Variants in ZFAT observed in about 807,000 individuals in gnomAD.
The protein encoded by ZFAT is zinc finger protein ZFAT.
A neutral mutation model predicts 117.7 loss-of-function variants in ZFAT; 64 were observed. The ratio of observed to expected loss-of-function variants is 0.54; its 90% confidence interval spans 0.44 to 0.67. The LOEUF (loss-of-function observed/expected upper bound fraction) is 0.67, where lower values mean the gene tolerates loss of function less well. ZFAT is among the 30% of genes least tolerant of loss of function. The pLI is 0.00. For missense variants in ZFAT, 1,433 were observed against 1,584.5 expected (o/e 0.90, Z 1.62); for synonymous variants, 679 against 615.0 (o/e 1.10, Z -1.54).
chr8:134,746,450 C>T, the ZFAT span, among the ~76,000 whole-genome samples: 1 of 152,184 alleles, frequency 6.6e-6, no homozygotes, highest in African/African-American at 2.4e-5. Context: ...ACCCTAAAAT[C>T]GCATTAGCTT....
intron 11 of ZFAT, among the ~76,000 whole-genome samples, chr8:134,544,353 C>T (rs2066474005): frequency 6.6e-6 from 1 of 152,134 alleles, no homozygotes; most frequent in Admixed American, 6.5e-5. Context: ...GGGAAGATTG[C>T]TTGCCTCTTT....
chr8:134,633,781 AT>A (rs1233845329), intron 3 of ZFAT, among the ~76,000 whole-genome samples: 1 of 152,266 alleles, frequency 6.6e-6, no homozygotes, highest in Non-Finnish European at 1.5e-5. Flanking sequence ...ACAGTGGCTC[AT>A]ACCTATAATC....
intron 1 of ZFAT, among the ~76,000 whole-genome samples, chr8:134,670,302 C>T (rs10091237): frequency 0.32 from 47,979 of 151,050 alleles, 5,400 homozygotes; most frequent in South Asian, 0.39. Flanking sequence ...AATATACATT[C>T]TTCTCAGCAC....
intron 2 of ZFAT, among the ~76,000 whole-genome samples, chr8:134,653,983 T>A (rs1436929026): frequency 1.3e-5 from 2 of 152,198 alleles, no homozygotes; most frequent in Non-Finnish European, 2.9e-5. Flanking sequence ...CATATTATAT[T>A]GCTTTAATTT....
intron 2 of ZFAT, among the ~76,000 whole-genome samples, chr8:134,656,454 C>T (rs1831609853): frequency 1.3e-5 from 2 of 152,188 alleles, no homozygotes; most frequent in Admixed American, 1.3e-4. Context: ...TCGGGTGCTG[C>T]ATCTTTTTCA....
At position 134,588,381 on chromosome 8, in the gene ZFAT, T is replaced by A; in HGVS notation, c.2578A>T (p.Thr860Ser). Reference sequence around the variant, plus strand: ...CTCCTCCCGAGAACCTCAGAAATGGTGCTCATGGAGACCTCTAGAAGAAAA... The same window carrying A: ...CTCCTCCCGAGAACCTCAGAAATGGAGCTCATGGAGACCTCTAGAAGAAAA... ...KTNHPEVSMS[T>S]ISEVLGRRVQ... The change falls in exon 9 of 16, where the codon ACC becomes TCC. Residue 860 changes from threonine (T) to serine (S), a missense_variant. Physicochemically the swap from Thr to Ser is moderately conservative, Grantham distance 58. Coordinates refer to ENST00000377838, the MANE Select transcript of ZFAT (RefSeq NM_020863.4). The A allele has an allele frequency of 6.3e-7, 1 of 1,587,892 alleles. No homozygotes were observed. Among genetic ancestry groups the A allele is most frequent in the Non-Finnish European group, 8.6e-7 (1 of 1,167,054 alleles).
intron 15 of ZFAT, among the ~76,000 whole-genome samples, chr8:134,480,946 T>C (rs1284960967): frequency 6.6e-6 from 1 of 152,188 alleles, no homozygotes; most frequent in Non-Finnish European, 1.5e-5. Flanking sequence ...AAAAGGTTCC[T>C]CTGGGGTGAG....
At chr8:134,699,975 G>A (rs1416378267) in intron 1 of ZFAT, among the ~76,000 whole-genome samples, 1 of 152,230 alleles carries the variant, frequency 6.6e-6, no homozygotes, top group Non-Finnish European at 1.5e-5. Context: ...TGCAAGTCCT[G>A]TGCATTGTCA....
the ZFAT span, among the ~76,000 whole-genome samples, chr8:134,775,187 G>C: frequency 6.6e-6 from 1 of 152,128 alleles, no homozygotes; most frequent in Non-Finnish European, 1.5e-5. Context: ...TTCAGTGTTT[G>C]ATAATACCAA....
chr8:134,598,090 G>A (rs1958396057), intron 7 of ZFAT: 4 of 152,222 alleles, frequency 2.6e-5, no homozygotes, highest in Admixed American at 2.6e-4. Flanking sequence ...CAAGAACCAT[G>A]TGGTTGCTGT....
intron 15 of ZFAT, among the ~76,000 whole-genome samples, chr8:134,495,178 A>G (rs902518388): frequency 3.9e-5 from 6 of 152,168 alleles, no homozygotes; most frequent in African/African-American, 1.2e-4. Context: ...TGACTTATAA[A>G]CAACAGAAAT....
chr8:134,499,834 A>C (rs913227932), intron 15 of ZFAT, among the ~76,000 whole-genome samples: 1 of 152,196 alleles, frequency 6.6e-6, no homozygotes, highest in Admixed American at 6.5e-5. Flanking sequence ...GGAGGCCACC[A>C]CATGTGCTGA....
Position 134,712,959 on chromosome 8 carries a change from C to CTTTTTA in ZFAT, c.-102_-97dup. The CTTTTTA allele has an allele frequency of 6.6e-6, 9 of 1,356,574 alleles. No individual in the cohort carries two copies. Among genetic ancestry groups the CTTTTTA allele is most frequent in the Non-Finnish European group, 8.7e-6 (9 of 1,030,566 alleles). 84.0% of individuals were successfully genotyped at this position (1,356,574 alleles called of 1,614,324 possible). On this transcript the variant is annotated 5_prime_UTR_variant, in exon 1 of 16. Coordinates refer to ENST00000377838, the MANE Select transcript of ZFAT (RefSeq NM_020863.4). ...GGCGGGGCGCCCTGCTGACGCTTCG[C>CTTTTTA]TTTTTATTTTTATTTTTTTAAGAAA...
intron 1 of ZFAT, among the ~76,000 whole-genome samples, chr8:134,694,424 T>C (rs1433962041): frequency 1.3e-5 from 2 of 152,218 alleles, no homozygotes; most frequent in East Asian, 3.8e-4. Context: ...CAAAGCAATG[T>C]AGTAAAATAC....
chr8:134,592,812 G>T lies in ZFAT; in HGVS notation c.2476-2457C>A, dbSNP rs185936479. On this transcript the variant is annotated intron_variant, in intron 7 of 15. Coordinates refer to ENST00000377838, the MANE Select transcript of ZFAT (RefSeq NM_020863.4). ...GTTCCCCAGCGTACACTTAGAAAAA[G>T]TGTACTTTACATTAAAAACCAAAAC... 3.3e-5 allele frequency among the ~76,000 whole-genome samples: 5 copies of T among 152,270 alleles called. No individual in the cohort carries two copies. In the East Asian group the frequency reaches 9.7e-4, roughly 29 times the overall value.
chr8:134,562,487 T>C (rs1299680332), intron 11 of ZFAT, among the ~76,000 whole-genome samples: 1 of 152,212 alleles, frequency 6.6e-6, no homozygotes, highest in African/African-American at 2.4e-5. Flanking sequence ...ATTTTGTTTG[T>C]CAGTCCCAAT....
intron 13 of ZFAT, among the ~76,000 whole-genome samples, chr8:134,518,832 T>C (rs566468857): frequency 1.8e-4 from 27 of 152,292 alleles, no homozygotes; most frequent in African/African-American, 6.5e-4. Flanking sequence ...TTATATGTTA[T>C]AGTAAACAGA....
chr8:134,631,760 C>T (rs1829908710), intron 3 of ZFAT, among the ~76,000 whole-genome samples: 1 of 152,174 alleles, frequency 6.6e-6, no homozygotes, highest in African/African-American at 2.4e-5. Context: ...GCAAGCCACG[C>T]GCACTCAAAG....
chr8:134,547,641 C>T (rs996447782), intron 11 of ZFAT, among the ~76,000 whole-genome samples: 1 of 152,232 alleles, frequency 6.6e-6, no homozygotes, highest in African/African-American at 2.4e-5. Context: ...CTCCCTCTTA[C>T]AGGAATCTCC....
Sources: gnomAD v4.1 joint callset for allele counts (sites outside exome capture counted in the v4.1 genomes callset) on GRCh38, gnomAD v4.1.1 for gene constraint, MANE v1.5 for transcripts, NCBI Gene and HGNC (gene_info 2026-07-23, HGNC 2026-07-21) for gene names.